JTB: variants seen among roughly 807,000 people sequenced by gnomAD.
JTB encodes the protein protein JTB.
A neutral mutation model predicts 22.1 loss-of-function variants in JTB; 10 were observed. That is an observed-to-expected ratio of 0.45 (90% CI 0.28 to 0.77). The LOEUF (loss-of-function observed/expected upper bound fraction) is 0.77, where lower values mean the gene tolerates loss of function less well. JTB is among the 30% of genes least tolerant of loss of function. The probability of loss-of-function intolerance (pLI) is 0.13; values close to 1 mark genes in which losing one functional copy is unlikely to be tolerated. For synonymous variants in JTB, 83 were observed against 66.8 expected (o/e 1.24, Z -1.18); for missense variants, 137 against 180.3 (o/e 0.76, Z 1.38).
chr1:153,976,680 A>G lies in JTB; in HGVS notation c.204+13T>C, dbSNP rs1571123413. On this transcript the variant is annotated intron_variant, in intron 3 of 4. Coordinates refer to ENST00000271843, the MANE Select transcript of JTB (RefSeq NM_006694.4). Reference sequence around the variant, plus strand: ...TGTTTAAAAAAAAAAAGGGTAGAGAAATAGATACTCACAGCCCGGAAATTA... The same window carrying G: ...TGTTTAAAAAAAAAAAGGGTAGAGAGATAGATACTCACAGCCCGGAAATTA... 2 of 1,607,410 alleles carry G rather than the reference A, an allele frequency of 1.2e-6. No homozygotes were observed. Among genetic ancestry groups the G allele is most frequent in the East Asian group, 2.2e-5 (1 of 44,854 alleles).
Position 153,977,375 on chromosome 1 carries a change from G to A in JTB, c.-123C>T. 1.4e-6 allele frequency: 2 copies of A among 1,469,058 alleles called. No homozygotes were observed. Among genetic ancestry groups the A allele is most frequent in the Non-Finnish European group, 1.8e-6 (2 of 1,116,628 alleles). 91.0% of individuals were successfully genotyped at this position (1,469,058 alleles called of 1,614,324 possible). A position where few individuals can be genotyped will look rare whatever the true frequency, so the allele number is the denominator to read the frequency against. Reference sequence around the variant, plus strand: ...CCCAGAGGTTCCAGGTCAGGGCAGGGAAGGCCGGAGTTGCCTATTGGAGCA... The same window carrying A: ...CCCAGAGGTTCCAGGTCAGGGCAGGAAAGGCCGGAGTTGCCTATTGGAGCA... On this transcript the variant is annotated 5_prime_UTR_variant, in exon 1 of 5. Transcript: ENST00000271843.
Position 153,977,291 on chromosome 1 carries a change from T to C in JTB, c.-39A>G. On this transcript the variant is annotated 5_prime_UTR_variant, in exon 1 of 5. Coordinates refer to ENST00000271843, the MANE Select transcript of JTB (RefSeq NM_006694.4). ...TCGCACCTGTCGGAACAGAGGGACC[T>C]ACTCCACAGGCCTCGTGCCTCCGTC... 2 of 1,609,776 alleles carry C rather than the reference T, an allele frequency of 1.2e-6. No homozygotes were observed. The highest frequency in any genetic ancestry group is 1.7e-4 in the Middle Eastern group (1 of 6,038).
At chr1:153,975,782 T>C (rs748929536) in intron 4 of JTB, 44 bp downstream of exon 4, 6 of 1,479,714 alleles carry the variant, frequency 4.1e-6, no homozygotes, top group Admixed American at 1.7e-5. Context: ...TCTAAAGTCA[T>C]AGGAGCAAAG....
chr1:153,976,385 C>T (rs1048268569), intron 3 of JTB, among the ~76,000 whole-genome samples: 34 of 152,086 alleles, frequency 2.2e-4, no homozygotes, highest in African/African-American at 7.2e-4. Context: ...CGCTTGAACC[C>T]GGGAGGCGGA....
intron 3 of JTB, 83 bp from the exon 4 acceptor site, chr1:153,975,988 G>GGGCACCTGCA: frequency 2.2e-6 from 2 of 921,340 alleles, no homozygotes; most frequent in Non-Finnish European, 3.6e-6. Context: ...AGGTGCAGGT[G>GGGCACCTGCA]CCCAACTGCT....
chr1:153,976,024 G>C, intron 3 of JTB, 119 bp from the exon 4 acceptor site: 2 of 699,370 alleles, frequency 2.9e-6, no homozygotes, highest in Non-Finnish European at 5.1e-6. Flanking sequence ...AGGCAACAGA[G>C]AGCTAATGAA....
In JTB at chr1:153,974,811, T is replaced by C. The variant is rs760147685; in HGVS notation, c.309A>G (p.Gln103=). 1.2e-6 allele frequency: 2 copies of C among 1,610,012 alleles called. No individual in the cohort carries two copies. The highest frequency in any genetic ancestry group is 1.7e-6 in the Non-Finnish European group (2 of 1,176,652). The part of the protein sequence containing the change: ...FKSCRSALME[Q]RLFWKFEGAV... ...CCCCTTCGAACTTCCAAAATAAGCGTTGTTCCATCAAAGCTGAGCGGCAGC... is the reference window on the plus strand; with the variant it reads ...CCCCTTCGAACTTCCAAAATAAGCGCTGTTCCATCAAAGCTGAGCGGCAGC... Residue 103 remains glutamine, a synonymous_variant, in exon 5 of 5, where the codon CAA becomes CAG. Transcript: ENST00000271843.
rs566767591 is a variant in JTB, at chr1:153,974,436, T to C, written c.*243A>G. The C allele has an allele frequency of 2.6e-5, 11 of 426,746 alleles. No homozygotes were observed. In the Admixed American group the frequency reaches 3.3e-4, roughly 13 times the overall value. 26.4% of individuals were successfully genotyped at this position (426,746 alleles called of 1,614,324 possible). On this transcript the variant is annotated 3_prime_UTR_variant, in exon 5 of 5. Coordinates refer to ENST00000271843, the MANE Select transcript of JTB (RefSeq NM_006694.4). ...GAAGTGGTGGGGAAGACTTGGTAGA[T>C]TGGGGCCTTAAGTAACCACCTCCTT...
At position 153,977,574 on chromosome 1, in the gene JTB, G is replaced by A. The variant is rs1648843090; in HGVS notation, c.-322C>T. The A allele has an allele frequency of 9.4e-7, 1 of 1,059,624 alleles. No individual in the cohort carries two copies. Among genetic ancestry groups the A allele is most frequent in the African/African-American group, 1.7e-5 (1 of 58,618 alleles). 65.6% of individuals were successfully genotyped at this position (1,059,624 alleles called of 1,614,324 possible). ...CTCCCGCCCCCGACGCAGCCATCTAGCCCCGTGGAGGATCCTCGGGCGCGG... is the reference window on the plus strand; with the variant it reads ...CTCCCGCCCCCGACGCAGCCATCTAACCCCGTGGAGGATCCTCGGGCGCGG... On this transcript the variant is annotated 5_prime_UTR_variant, in exon 1 of 5. Coordinates refer to ENST00000271843, the MANE Select transcript of JTB (RefSeq NM_006694.4).
chr1:153,974,873 C>A, intron 4 of JTB, 38 bp from the exon 5 acceptor site: 1 of 1,581,284 alleles, frequency 6.3e-7, no homozygotes, highest in South Asian at 1.1e-5. Flanking sequence ...CAAGGAAGGC[C>A]AGACAGCTTC....
At position 153,976,998 on chromosome 1, in the gene JTB, G is replaced by A; in HGVS notation, c.99C>T (p.Pro33=). 6.2e-7 allele frequency: 1 copy of A among 1,614,162 alleles called. No individual in the cohort carries two copies. The highest frequency in any genetic ancestry group is 8.5e-7 in the Non-Finnish European group (1 of 1,180,032). The change falls in exon 2 of 5, where the codon CCC becomes CCT. Residue 33 remains proline, a synonymous_variant. Coordinates refer to ENST00000271843, the MANE Select transcript of JTB (RefSeq NM_006694.4). ...FTLKLCQAEA[P]VQEEKLSAST... ...CACCTGACAGCTTCTCTTCCTGCAC[G>A]GGAGCCTCTGCTTGGCTGTAGCGGA...
At position 153,974,577 on chromosome 1, in the gene JTB, C is replaced by T; in HGVS notation, c.*102G>A. The T allele has an allele frequency of 1.1e-6, 1 of 945,992 alleles. No homozygotes were observed. The highest frequency in any genetic ancestry group is 1.6e-6 in the Non-Finnish European group (1 of 627,964). The allele number at this position is 945,992 out of a possible 1,614,324, so 58.6% of individuals were successfully genotyped here. A position where few individuals can be genotyped will look rare whatever the true frequency, so the allele number is the denominator to read the frequency against. The stretch of plus-strand genomic sequence containing the variant: ...AGAAGAAGATGGGGAAAAGGGGATT[C>T]CACCACAAGGCTCCAAAGAACCAAG... On this transcript the variant is annotated 3_prime_UTR_variant, in exon 5 of 5. Coordinates refer to ENST00000271843, the MANE Select transcript of JTB (RefSeq NM_006694.4).
At chr1:153,975,944 G>A (rs1331259903) in intron 3 of JTB, 39 bp from the exon 4 acceptor site, 5 of 1,459,994 alleles carry the variant, frequency 3.4e-6, no homozygotes, top group Non-Finnish European at 4.8e-6. Flanking sequence ...GTTAGGAAGG[G>A]GCAACAGGAT....
chr1:153,976,512 G>T (rs1371948960), intron 3 of JTB, among the ~76,000 whole-genome samples, 181 bp downstream of exon 3: 1 of 152,162 alleles, frequency 6.6e-6, no homozygotes, highest in Non-Finnish European at 1.5e-5. Flanking sequence ...CATTAGCTTG[G>T]AAAGAAAGGG....
chr1:153,975,966 C>T, intron 3 of JTB, 61 bp from the exon 4 acceptor site: 1 of 1,260,952 alleles, frequency 7.9e-7, no homozygotes, highest in Non-Finnish European at 1.2e-6. Context: ...AACAAAAAGG[C>T]TGCCATTCAG....
At chr1:153,976,580 G>T (rs1648802780) in intron 3 of JTB, 113 bp downstream of exon 3, 2 of 882,310 alleles carry the variant, frequency 2.3e-6, no homozygotes, top group South Asian at 1.5e-5. Flanking sequence ...ACTGCAAGAA[G>T]AAAGAAAAAA....
In JTB at chr1:153,976,686, TACTC is replaced by T. The variant is rs1483419608; in HGVS notation, c.204+3_204+6del. ...AAAAAAAAAAGGGTAGAGAAATAGA[TACTC>T]ACAGCCCGGAAATTAGAGCATGGAG... On this transcript the variant is annotated splice_donor_5th_base_variant and intron_variant, in intron 3 of 4. Coordinates refer to ENST00000271843, the MANE Select transcript of JTB (RefSeq NM_006694.4). 9 of 1,606,030 alleles carry T rather than the reference TACTC, an allele frequency of 5.6e-6. No individual in the cohort carries two copies. Among genetic ancestry groups the T allele is most frequent in the African/African-American group, 4.0e-5 (3 of 74,706 alleles).
Position 153,974,684 on chromosome 1 carries a change from T to C in JTB, c.436A>G (p.Ile146Val), listed in dbSNP as rs1398399951. 4 of 1,612,226 alleles carry C rather than the reference T, an allele frequency of 2.5e-6. No individual in the cohort carries two copies. Among genetic ancestry groups the C allele is most frequent in the Middle Eastern group, 1.7e-4 (1 of 6,050 alleles). The change falls in exon 5 of 5, where the codon ATA becomes GTA. Residue 146 changes from isoleucine (I) to valine (V), a missense_variant. Ile to Val is a conservative substitution (Grantham distance 29). Coordinates refer to ENST00000271843, the MANE Select transcript of JTB (RefSeq NM_006694.4). ...GATACAAGGGTGGAATGTAGCTATA[T>C]GGACTCGATTTGCTTCCGGACCTTT... ...LEKVRKQIES[I>V]
At chr1:153,976,201 C>T (rs1056079060) in intron 3 of JTB, among the ~76,000 whole-genome samples, 1 of 152,224 alleles carries the variant, frequency 6.6e-6, no homozygotes, top group Non-Finnish European at 1.5e-5. Flanking sequence ...TGGCGGCTCA[C>T]GCCTATAATC....
Sources: gnomAD v4.1 joint callset for allele counts (sites outside exome capture counted in the v4.1 genomes callset) on GRCh38, gnomAD v4.1.1 for gene constraint, MANE v1.5 for transcripts, NCBI Gene and HGNC (gene_info 2026-07-23, HGNC 2026-07-21) for gene names.